Variants in CHRNB3 observed in about 807,000 individuals in gnomAD.
The protein encoded by CHRNB3 is neuronal acetylcholine receptor subunit beta-3.
A neutral mutation model predicts 40.6 loss-of-function variants in CHRNB3; 37 were observed. That is an observed-to-expected ratio of 0.91 (90% CI 0.70 to 1.20). The LOEUF (loss-of-function observed/expected upper bound fraction) is 1.20. CHRNB3 is among the 50% of genes most tolerant of loss of function. CHRNB3 has a pLI of 0.00. For synonymous variants in CHRNB3, 207 were observed against 207.1 expected (o/e 1.00, Z 0.00); for missense variants, 505 against 551.2 (o/e 0.92, Z 0.84).
At chr8:42,735,853 T>C (rs1816515317) in intron 5 of CHRNB3, among the ~76,000 whole-genome samples, 1 of 152,142 alleles carries the variant, frequency 6.6e-6, no homozygotes, top group Non-Finnish European at 1.5e-5. Context: ...CCTGTGACAT[T>C]TGGCCACAAA....
intron 1 of CHRNB3, among the ~76,000 whole-genome samples, chr8:42,705,389 C>T (rs75142502): frequency 0.06 from 9,086 of 152,232 alleles, 310 homozygotes; most frequent in African/African-American, 0.088. Context: ...TGACCCCCAA[C>T]GCAGTAGTGT....
chr8:42,699,620 C>G (rs10958727), intron 1 of CHRNB3: 93,257 of 151,918 alleles, frequency 0.61, 33,220 homozygotes, highest in East Asian at 0.81. Context: ...ATTAGCCAGG[C>G]GTGGTGGCAC....
chr8:42,725,564 G>C (rs1816295036), intron 3 of CHRNB3: 2 of 882,364 alleles, frequency 2.3e-6, no homozygotes, highest in Admixed American at 3.9e-5. Flanking sequence ...TGGCAGATGA[G>C]CTGATTGATG....
At chr8:42,731,001 T>A (rs1038399848) in intron 4 of CHRNB3, among the ~76,000 whole-genome samples, 1 of 138,574 alleles carries the variant, frequency 7.2e-6, no homozygotes, top group South Asian at 2.4e-4. Flanking sequence ...TGAGCCGAGA[T>A]TGCGCCACTG....
intron 1 of CHRNB3, 41 bp from the exon 2 acceptor site, chr8:42,708,676 C>A (rs1815960664): frequency 6.2e-7 from 1 of 1,602,656 alleles, no homozygotes; most frequent in Non-Finnish European, 8.5e-7. Context: ...AGGCATCGTG[C>A]CCCTCCCATT....
Position 42,732,284 on chromosome 8 carries a change from C to T in CHRNB3, c.977C>T (p.Ser326Phe). 1 of 1,608,266 alleles carries T rather than the reference C, an allele frequency of 6.2e-7. No individual in the cohort carries two copies. ...FVINVHHRSS[S>F]TYHPMAPWVK... ...ATTAACGTTCACCACAGATCTTCTTCCACGTACCACCCCATGGCCCCCTGG... is the reference window on the plus strand; with the variant it reads ...ATTAACGTTCACCACAGATCTTCTTTCACGTACCACCCCATGGCCCCCTGG... The change falls in exon 5 of 6, where the codon TCC becomes TTC. Residue 326 changes from serine to phenylalanine, a missense_variant. Physicochemically the swap from Ser to Phe is radical, Grantham distance 155. Transcript: ENST00000289957.
chr8:42,703,041 CT>C (rs1213096871), intron 1 of CHRNB3, among the ~76,000 whole-genome samples: 2 of 152,236 alleles, frequency 1.3e-5, no homozygotes, highest in African/African-American at 4.8e-5. Flanking sequence ...CCTGGAGGTA[CT>C]TCTTGGCTTT....
chr8:42,732,539 T>C lies in CHRNB3; in HGVS notation c.1232T>C (p.Phe411Ser). 6.3e-7 allele frequency: 1 copy of C among 1,592,138 alleles called. No individual in the cohort carries two copies. Among genetic ancestry groups the C allele is most frequent in the East Asian group, 2.2e-5 (1 of 44,790 alleles). The change falls in exon 5 of 6, where the codon TTT becomes TCT. Residue 411 changes from phenylalanine to serine, a missense_variant. By Grantham distance (155) the Phe-to-Ser change is radical. Transcript: ENST00000289957. ...YISRHVKKEH[F>S]ISQVVQDWKF... ...TCGAGACATGTGAAGAAAGAACATT[T>C]TATCAGCCAGGTGAGTAAACTGGTA...
chr8:42,728,927 T>A (rs1816353429), intron 3 of CHRNB3, among the ~76,000 whole-genome samples: 1 of 152,108 alleles, frequency 6.6e-6, no homozygotes, highest in African/African-American at 2.4e-5. Flanking sequence ...GACTCAGACC[T>A]ACCAATGATA....
chr8:42,724,547 G>A (rs1474868412), intron 3 of CHRNB3, among the ~76,000 whole-genome samples: 1 of 152,128 alleles, frequency 6.6e-6, no homozygotes, highest in African/African-American at 2.4e-5. Flanking sequence ...ACTGCTACAG[G>A]AGTCTTAGGG....
At chr8:42,725,021 G>A (rs1816282137) in intron 3 of CHRNB3, among the ~76,000 whole-genome samples, 1 of 151,372 alleles carries the variant, frequency 6.6e-6, no homozygotes, top group South Asian at 2.1e-4. Context: ...TTTTTTCCTT[G>A]GAACTGGACT....
intron 3 of CHRNB3, chr8:42,725,702 G>T: frequency 1.1e-6 from 1 of 931,002 alleles, no homozygotes; most frequent in Non-Finnish European, 1.7e-6. Flanking sequence ...TGCTTCTCCA[G>T]GTGCTCCTCA....
At chr8:42,701,057 G>A (rs10093636) in intron 1 of CHRNB3, among the ~76,000 whole-genome samples, 58 of 151,606 alleles carry the variant, frequency 3.8e-4, no homozygotes, top group African/African-American at 1.2e-3. Flanking sequence ...GTGAAACCCC[G>A]TCTCTACTAA....
intron 3 of CHRNB3, among the ~76,000 whole-genome samples, chr8:42,716,276 G>A (rs925726447): frequency 2.0e-5 from 3 of 151,222 alleles, no homozygotes; most frequent in Admixed American, 6.6e-5. Context: ...TGTGCTGGGC[G>A]AAACTGACCT....
At chr8:42,731,585 CAG>C in intron 4 of CHRNB3, 80 bp from the exon 5 acceptor site, 1 of 1,386,416 alleles carries the variant, frequency 7.2e-7, no homozygotes, top group South Asian at 1.4e-5. Context: ...AGTCATAAAA[CAG>C]AAATAGTCAA....
At chr8:42,734,892 G>T (rs1816494055) in intron 5 of CHRNB3, among the ~76,000 whole-genome samples, 1 of 152,060 alleles carries the variant, frequency 6.6e-6, no homozygotes, top group South Asian at 2.1e-4. Flanking sequence ...CAAGTTGGGA[G>T]AATTTTTTTG....
At chr8:42,705,459 A>G (rs1815906578) in intron 1 of CHRNB3, 1 of 152,076 alleles carries the variant, frequency 6.6e-6, no homozygotes, top group South Asian at 2.1e-4. Context: ...TCATGAATGG[A>G]TTTATGCCAT....
intron 3 of CHRNB3, among the ~76,000 whole-genome samples, chr8:42,728,767 A>T (rs771211426): frequency 3.9e-5 from 6 of 152,166 alleles, no homozygotes; most frequent in Non-Finnish European, 7.3e-5. Flanking sequence ...TTGGCATCTT[A>T]ATGCCTGCAG....
intron 3 of CHRNB3, among the ~76,000 whole-genome samples, chr8:42,721,097 G>T (rs1001331822): frequency 7.2e-5 from 11 of 152,250 alleles, no homozygotes; most frequent in Admixed American, 7.2e-4. Flanking sequence ...GTCTGTGCCT[G>T]TCCCCAGTGC....
Sources: allele counts gnomAD v4.1 joint callset (sites outside exome capture counted in the v4.1 genomes callset), GRCh38; gene constraint gnomAD v4.1.1; transcripts MANE v1.5; gene names NCBI Gene and HGNC (gene_info 2026-07-23, HGNC 2026-07-21).